SYNPR: variants seen among roughly 807,000 people sequenced by gnomAD.
The protein encoded by SYNPR is synaptoporin.
A neutral mutation model predicts 32.9 loss-of-function variants in SYNPR; 23 were observed. That is an observed-to-expected ratio of 0.70 (90% CI 0.50 to 0.99). The LOEUF (loss-of-function observed/expected upper bound fraction) is 0.99. Among genes scored for constraint, SYNPR ranks in the 50% least tolerant of loss-of-function variants. The pLI is 0.00. For missense variants in SYNPR, 318 were observed against 349.3 expected (o/e 0.91, Z 0.71); for synonymous variants, 146 against 135.9 (o/e 1.07, Z -0.52).
chr3:63,334,854 C>A (rs1045456434), intron 2 of SYNPR, among the ~76,000 whole-genome samples: 2 of 151,940 alleles, frequency 1.3e-5, no homozygotes, highest in Admixed American at 6.6e-5. Flanking sequence ...CTGCAATAAC[C>A]TTTGCACCAA....
upstream of SYNPR, among the ~76,000 whole-genome samples, chr3:63,225,458 C>T (rs1055829325): frequency 6.6e-6 from 1 of 152,126 alleles, no homozygotes; most frequent in South Asian, 2.1e-4. Context: ...TTCCAAACCA[C>T]CCTGGCATCA....
At chr3:63,424,824 A>T (rs1167475550) in intron 2 of SYNPR, among the ~76,000 whole-genome samples, 3 of 152,172 alleles carry the variant, frequency 2.0e-5, no homozygotes, top group African/African-American at 7.2e-5. Flanking sequence ...ATAAGTTCAG[A>T]CCAAAATATC....
upstream of SYNPR, among the ~76,000 whole-genome samples, chr3:63,273,588 C>T (rs890026962): frequency 1.3e-5 from 2 of 152,092 alleles, no homozygotes; most frequent in South Asian, 2.1e-4. Flanking sequence ...TCAAGCCTAA[C>T]ATAACTTACA....
chr3:63,511,974 T>C (rs779221533), intron 3 of SYNPR, among the ~76,000 whole-genome samples: 4 of 152,148 alleles, frequency 2.6e-5, no homozygotes, highest in Non-Finnish European at 5.9e-5. Flanking sequence ...GCCACCCTAA[T>C]TTTATTCCTG....
rs879427135 is a variant in SYNPR, at chr3:63,365,354, G to T, written c.84+86612G>T. Among the ~76,000 whole-genome samples the T allele has an allele frequency of 5.9e-5, 9 of 152,256 alleles. No individual in the cohort carries two copies. The South Asian group carries it at 1.7e-3, about 28-fold the overall frequency. On this transcript the variant is annotated intron_variant, in intron 2 of 5. Transcript: ENST00000478300. ...GTTCCATAGGGATTCTTCCTGACTG[G>T]ACGTGGGGGTGGGTTGTGGTGGGGG...
intron 2 of SYNPR, among the ~76,000 whole-genome samples, chr3:63,477,759 C>T (rs1700959148): frequency 6.6e-6 from 1 of 152,210 alleles, no homozygotes; most frequent in African/African-American, 2.4e-5. Flanking sequence ...TTCATTCTCC[C>T]TTACAGGGAT....
At chr3:63,296,834 CTATT>C (rs570185823) in intron 2 of SYNPR, among the ~76,000 whole-genome samples, 249 of 152,150 alleles carry the variant, frequency 1.6e-3, no homozygotes, top group African/African-American at 5.6e-3. Context: ...AGGTATGACT[CTATT>C]TATATATAAA....
intron 2 of SYNPR, among the ~76,000 whole-genome samples, chr3:63,463,466 T>A (rs1391107135): frequency 6.6e-6 from 1 of 152,206 alleles, no homozygotes; most frequent in African/African-American, 2.4e-5. Context: ...GCCCCAAAAG[T>A]AGCTGTGAAT....
chr3:63,528,240 C>A (rs1189819811), intron 3 of SYNPR, among the ~76,000 whole-genome samples: 1 of 152,178 alleles, frequency 6.6e-6, no homozygotes, highest in African/African-American at 2.4e-5. Context: ...GACTATTATG[C>A]AACCTCAATT....
chr3:63,612,966 G>C (rs1575737597), intron 5 of SYNPR, among the ~76,000 whole-genome samples: 2 of 129,198 alleles, frequency 1.5e-5, no homozygotes, highest in South Asian at 4.9e-4. Context: ...CTTTCCTTTT[G>C]TTTCCTTTTT....
At chr3:63,558,118 C>T (rs1176817885) in intron 4 of SYNPR, among the ~76,000 whole-genome samples, 1 of 152,140 alleles carries the variant, frequency 6.6e-6, no homozygotes, top group African/African-American at 2.4e-5. Context: ...TACCCAGTTC[C>T]TCTTTCATTT....
intron 4 of SYNPR, among the ~76,000 whole-genome samples, chr3:63,602,985 G>A (rs763717923): frequency 6.6e-6 from 1 of 152,134 alleles, no homozygotes; most frequent in African/African-American, 2.4e-5. Context: ...AGCATGGAAT[G>A]TTTTTCCATT....
the SYNPR span, among the ~76,000 whole-genome samples, chr3:63,223,021 G>A: frequency 2.6e-5 from 4 of 152,024 alleles, no homozygotes; most frequent in African/African-American, 4.8e-5. Context: ...TGTTCCATGG[G>A]GTCACCTAAG....
intron 2 of SYNPR, among the ~76,000 whole-genome samples, chr3:63,315,212 A>G (rs1009182207): frequency 1.4e-4 from 22 of 151,948 alleles, no homozygotes; most frequent in African/African-American, 3.6e-4. Flanking sequence ...TGCTTTGGCT[A>G]TGTGAGCTCT....
rs1311131883 is a variant in SYNPR at position 63,408,134 on chromosome 3, G to GAAGAAAGAAAAGAAAGA, written c.85-72687_85-72671dup. Among the ~76,000 whole-genome samples the GAAGAAAGAAAAGAAAGA allele has an allele frequency of 4.7e-3, 355 of 76,272 alleles. 69 individuals are homozygous for GAAGAAAGAAAAGAAAGA. The highest frequency in any genetic ancestry group is 7.3e-3 in the African/African-American group (135 of 18,374). 50.0% of individuals were successfully genotyped at this position (76,272 alleles called of 152,430 possible). A position where few individuals can be genotyped will look rare whatever the true frequency, so the allele number is the denominator to read the frequency against. The stretch of plus-strand genomic sequence containing the variant: ...ATTCTCCAGATAAACAGAACCAATA[G>GAAGAAAGAAAAGAAAGA]AAGAAAGAAAAGAAAGAAAGAAAGA... On this transcript the variant is annotated intron_variant, in intron 2 of 5. Coordinates refer to ENST00000478300, the MANE Select transcript of SYNPR (RefSeq NM_001130003.2).
At chr3:63,299,079 T>TA (rs1437073737) in intron 2 of SYNPR, among the ~76,000 whole-genome samples, 5 of 152,188 alleles carry the variant, frequency 3.3e-5, no homozygotes, top group East Asian at 1.9e-4. Context: ...GAGCTTATAT[T>TA]AAAAAAATAG....
intron 3 of SYNPR, among the ~76,000 whole-genome samples, chr3:63,505,376 C>T (rs1701568238): frequency 6.6e-6 from 1 of 152,174 alleles, no homozygotes; most frequent in African/African-American, 2.4e-5. Flanking sequence ...CTCCAAAACA[C>T]TAGTTATTTC....
intron 1 of SYNPR, among the ~76,000 whole-genome samples, chr3:63,245,324 T>A (rs2086275762): frequency 7.8e-6 from 1 of 128,030 alleles, no homozygotes; most frequent in Non-Finnish European, 1.7e-5. Flanking sequence ...GAAAGAAATG[T>A]TATTTTTATT....
At chr3:63,220,021 T>A in the SYNPR span, among the ~76,000 whole-genome samples, 1 of 152,262 alleles carries the variant, frequency 6.6e-6, no homozygotes, top group South Asian at 2.1e-4. Flanking sequence ...GTGGCCACAA[T>A]TGAAGCTCTT....
Sources: allele counts gnomAD v4.1 joint callset (sites outside exome capture counted in the v4.1 genomes callset), GRCh38; gene constraint gnomAD v4.1.1; transcripts MANE v1.5; gene names NCBI Gene and HGNC (gene_info 2026-07-23, HGNC 2026-07-21).